Variants in URM1 observed in about 807,000 individuals in gnomAD.
URM1 encodes ubiquitin-related modifier 1.
In URM1, 11 loss-of-function variants were observed where a neutral mutation model predicts 17.7. The ratio of observed to expected loss-of-function variants is 0.62; its 90% CI spans 0.39 to 1.03. URM1 has a LOEUF of 1.03. Among genes scored for constraint, URM1 ranks in the 50% least tolerant of loss-of-function variants. URM1 has a pLI of 0.00. For missense variants in URM1, 128 were observed against 129.2 expected (o/e 0.99, Z 0.04); for synonymous variants, 48 against 50.6 (o/e 0.95, Z 0.22).
At chr9:128,376,747 GAGGCCA>G (rs145369990) in intron 1 of URM1, among the ~76,000 whole-genome samples, 12,490 of 152,222 alleles carry the variant, frequency 0.082, 711 homozygotes, top group East Asian at 0.18. Context: ...AGCACTTTGG[GAGGCCA>G]AGGCAGGGAG....
At chr9:128,371,326 T>C, upstream of URM1, 2 of 1,507,808 alleles carry the variant, frequency 1.3e-6, no homozygotes, top group Non-Finnish European at 1.8e-6. Flanking sequence ...CGCCCGGAAA[T>C]TTGCGGGCGC....
Position 128,379,787 on chromosome 9 carries a change from G to A in URM1, c.106+1681G>A, listed in dbSNP as rs141103257. On this transcript the variant is annotated intron_variant, in intron 2 of 4. Transcript: ENST00000372853. ...TGCACTCCAGCCTGGGCAACAGAGCGAGACTCCATCTCAAAAAAAAATAAA... is the reference window on the plus strand; with the variant it reads ...TGCACTCCAGCCTGGGCAACAGAGCAAGACTCCATCTCAAAAAAAAATAAA... 1.4e-3 allele frequency among the ~76,000 whole-genome samples: 218 copies of A among 151,352 alleles called. 1 individual carries two copies. Among genetic ancestry groups the A allele is most frequent in the African/African-American group, 5.2e-3 (212 of 41,144 alleles).
chr9:128,372,461 A>T (rs1457445175), intron 1 of URM1, among the ~76,000 whole-genome samples: 1 of 152,090 alleles, frequency 6.6e-6, no homozygotes, highest in Non-Finnish European at 1.5e-5. Flanking sequence ...CCAGCCATTT[A>T]TTGAGTGCCT....
Position 128,389,691 on chromosome 9 carries a change from AC to A in URM1, c.265del (p.Gln89ArgfsTer75). ...LLGELDYQLQ[D>X]QDSVLFISTL... Reference sequence around the variant, plus strand: ...GGTGAGCTGGACTACCAGCTTCAGGACCAGGACAGCGTCCTCTTCATCTCCA... The same window carrying A: ...GGTGAGCTGGACTACCAGCTTCAGGACAGGACAGCGTCCTCTTCATCTCCA... On this transcript the variant is annotated frameshift_variant, in exon 5 of 5. Coordinates refer to ENST00000372853, the MANE Select transcript of URM1 (RefSeq NM_030914.4). LOFTEE classifies it high-confidence loss of function. 2.5e-6 allele frequency: 4 copies of A among 1,613,462 alleles called. No homozygotes were observed. The highest frequency in any genetic ancestry group is 2.5e-6 in the Non-Finnish European group (3 of 1,179,990).
intron 4 of URM1, 83 bp from the exon 5 acceptor site, chr9:128,389,583 C>T (rs143774094): frequency 4.1e-4 from 651 of 1,593,522 alleles, no homozygotes; most frequent in African/African-American, 2.7e-3. Context: ...GCAGCCAGTC[C>T]TCAGCCCCTG....
At chr9:128,372,565 A>G (rs946081312) in intron 1 of URM1, among the ~76,000 whole-genome samples, 8 of 152,068 alleles carry the variant, frequency 5.3e-5, no homozygotes, top group Admixed American at 5.2e-4. Flanking sequence ...TGCCCCTTAG[A>G]AGGGGGGTAA....
At chr9:128,373,273 A>G (rs1202720720) in intron 1 of URM1, among the ~76,000 whole-genome samples, 1 of 150,286 alleles carries the variant, frequency 6.7e-6, no homozygotes, top group African/African-American at 2.5e-5. Flanking sequence ...CATGATGCTC[A>G]ACCCAGGTTC....
intron 1 of URM1, among the ~76,000 whole-genome samples, chr9:128,376,625 C>T (rs1833081746): frequency 6.6e-6 from 1 of 152,068 alleles, no homozygotes. Context: ...CGCACTACTG[C>T]ACTCCAGCCT....
At chr9:128,385,111 T>G (rs1833209736) in intron 2 of URM1, among the ~76,000 whole-genome samples, 1 of 152,122 alleles carries the variant, frequency 6.6e-6, no homozygotes, top group Non-Finnish European at 1.5e-5. Context: ...AGCAGGCCCG[T>G]TCTCAAGGCC....
At chr9:128,379,684 C>T (rs557700083) in intron 2 of URM1, among the ~76,000 whole-genome samples, 4 of 151,786 alleles carry the variant, frequency 2.6e-5, no homozygotes, top group South Asian at 2.1e-4. Flanking sequence ...CCTGTAATCC[C>T]GGCTACTCTG....
chr9:128,376,318 C>T (rs1467858908), intron 1 of URM1, among the ~76,000 whole-genome samples: 3 of 152,000 alleles, frequency 2.0e-5, no homozygotes, highest in South Asian at 2.1e-4. Context: ...GCTGAGATCA[C>T]GCTACTGCAC....
chr9:128,386,711 A>G (rs1833232137), intron 2 of URM1, among the ~76,000 whole-genome samples: 3 of 151,966 alleles, frequency 2.0e-5, no homozygotes, highest in Admixed American at 1.3e-4. Context: ...CCTTGCGTAC[A>G]CTCTGGACTC....
At chr9:128,371,987 C>G (rs927306046) in intron 1 of URM1, among the ~76,000 whole-genome samples, 13 of 152,038 alleles carry the variant, frequency 8.6e-5, no homozygotes, top group Non-Finnish European at 1.5e-4. Flanking sequence ...GGTGGAGACA[C>G]GGGGACAAAT....
At chr9:128,375,797 C>T (rs1833068681) in intron 1 of URM1, among the ~76,000 whole-genome samples, 2 of 152,012 alleles carry the variant, frequency 1.3e-5, no homozygotes, top group African/African-American at 2.4e-5. Context: ...TGGACTTAAG[C>T]AATCCTCCCT....
At chr9:128,384,286 T>G (rs1417470271) in intron 2 of URM1, among the ~76,000 whole-genome samples, 1 of 152,150 alleles carries the variant, frequency 6.6e-6, no homozygotes, top group African/African-American at 2.4e-5. Context: ...ACTGGAAACC[T>G]TGTATTAAGT....
intron 2 of URM1, among the ~76,000 whole-genome samples, chr9:128,384,077 G>A (rs967031875): frequency 2.6e-5 from 4 of 152,156 alleles, no homozygotes; most frequent in African/African-American, 9.7e-5. Flanking sequence ...AGCAGCTCTT[G>A]GTGTTTGGAT....
chr9:128,385,080 G>A (rs1489754175), intron 2 of URM1, among the ~76,000 whole-genome samples: 1 of 152,166 alleles, frequency 6.6e-6, no homozygotes, highest in Non-Finnish European at 1.5e-5. Context: ...AGGTTCACTG[G>A]GAGGGAGAGG....
Position 128,387,762 on chromosome 9 carries a change from T to G in URM1, c.107-54T>G, listed in dbSNP as rs1833246571. 3 of 1,610,410 alleles carry G rather than the reference T, an allele frequency of 1.9e-6. No individual in the cohort carries two copies. Among genetic ancestry groups the G allele is most frequent in the South Asian group, 1.1e-5 (1 of 90,912 alleles). On this transcript the variant is annotated intron_variant, in intron 2 of 4. Coordinates refer to ENST00000372853, the MANE Select transcript of URM1 (RefSeq NM_030914.4). This position sits in a 1 kb window ranked among gnomAD's most constrained non-coding sequence, Gnocchi z 4.3. ...TGTGGGCCAGGCAAGGCTCTGGGGGTGGGCAGGTGCTATTTGGGTTTGACA... is the reference window on the plus strand; with the variant it reads ...TGTGGGCCAGGCAAGGCTCTGGGGGGGGGCAGGTGCTATTTGGGTTTGACA...
intron 1 of URM1, among the ~76,000 whole-genome samples, chr9:128,373,237 A>G: frequency 7.0e-6 from 1 of 142,508 alleles, no homozygotes. Context: ...TTCCATGAAA[A>G]TTGCAGCATT....
Sources: gnomAD v4.1 joint callset for allele counts (sites outside exome capture counted in the v4.1 genomes callset) on GRCh38, gnomAD v4.1.1 for gene constraint, Gnocchi (gnomAD v3.1) non-coding constraint, MANE v1.5 for transcripts, NCBI Gene and HGNC (gene_info 2026-07-23, HGNC 2026-07-21) for gene names.